The following ACIN1 variants were observed in gnomAD, a reference collection of about 807,000 sequenced individuals.
ACIN1 encodes the protein apoptotic chromatin condensation inducer 1, also known as apoptotic chromatin condensation inducer in the nucleus.
Under a neutral mutation model 146.6 loss-of-function variants are expected in ACIN1, and 16 were observed. The ratio of observed to expected loss-of-function variants is 0.11; its 90% confidence interval spans 0.07 to 0.17. ACIN1 has a LOEUF of 0.17. ACIN1 is among the 10% of genes least tolerant of loss of function. ACIN1 has a pLI of 1.00. For missense variants in ACIN1, 1,357 were observed against 1,609.3 expected, an observed-to-expected ratio of 0.84 and a Z score of 2.68; for synonymous variants, 569 against 582.7, an observed-to-expected ratio of 0.98 and a Z score of 0.34.
At chr14:23,090,135 G>A in intron 3 of ACIN1, 34 bp from the exon 4 acceptor site, 3 of 1,604,314 alleles carry the variant, frequency 1.9e-6, no homozygotes, top group Middle Eastern at 1.7e-4. Context: ...GGCAGGGAGG[G>A]AGTGAAGGAC....
chr14:23,062,896 A>G, intron 14 of ACIN1, 33 bp downstream of exon 14: 2 of 1,579,590 alleles, frequency 1.3e-6, no homozygotes, highest in South Asian at 1.2e-5. Context: ...TTAACCACTA[A>G]GCAAGCTGGG....
Position 23,063,068 on chromosome 14 carries a change from A to G in ACIN1, c.2744T>C (p.Leu915Ser). ...GGAACGTCGAGTTAAGGTATCTCCT[A>G]AAGTCACTATCAAGAAGACCACAAG... Reference protein sequence around the residue: ...PAEHEVKKVTLGDTLTRRSIS... With the variant: ...PAEHEVKKVTSGDTLTRRSIS... Residue 915 changes from leucine to serine, a missense_variant, in exon 14 of 19, where the codon TTA (leucine) becomes TCA (serine). Physicochemically the swap from Leu to Ser is moderately radical, Grantham distance 145. Transcript: ENST00000605057. The G allele has an allele frequency of 1.2e-6, 2 of 1,608,272 alleles. No homozygotes were observed. The highest frequency in any genetic ancestry group is 1.7e-6 in the Non-Finnish European group (2 of 1,178,148).
intron 4 of ACIN1, among the ~76,000 whole-genome samples, chr14:23,089,710 G>A (rs1043291852): frequency 4.6e-5 from 7 of 152,222 alleles, no homozygotes; most frequent in African/African-American, 1.2e-4. Context: ...AGAGCTGACT[G>A]TTGCCAAATT....
chr14:23,084,566 C>G (rs1175027660), intron 4 of ACIN1, among the ~76,000 whole-genome samples: 1 of 150,080 alleles, frequency 6.7e-6, no homozygotes, highest in South Asian at 2.1e-4. Flanking sequence ...GCCGAGATGG[C>G]GCTATTGCAC....
intron 8 of ACIN1, among the ~76,000 whole-genome samples, chr14:23,076,904 A>G (rs2047816378): frequency 6.6e-6 from 1 of 152,194 alleles, no homozygotes; most frequent in African/African-American, 2.4e-5. Flanking sequence ...TTTTCACTTT[A>G]TGGTCCCAGA....
At position 23,094,584 on chromosome 14, in the gene ACIN1, T is replaced by C. The variant is rs866709362; in HGVS notation, c.138+391A>G. On this transcript the variant is annotated intron_variant, in intron 1 of 18. Transcript: ENST00000605057. ...CCCCATCCACCCCTTCGCGCAACTA[T>C]ACCCCTAACTCCGACCCAGCCCAAC... 4.2e-6 allele frequency: 4 copies of C among 957,156 alleles called. No homozygotes were observed. The African/African-American group carries it at 5.3e-5, about 13-fold the overall frequency. 59.3% of individuals were successfully genotyped at this position (957,156 alleles called of 1,614,324 possible).
At chr14:23,061,864 T>C (rs1036255786) in intron 16 of ACIN1, among the ~76,000 whole-genome samples, 73 of 150,552 alleles carry the variant, frequency 4.8e-4, no homozygotes, top group Non-Finnish European at 9.2e-4. Flanking sequence ...GTCCCAGCTA[T>C]TCGGGAGGCT....
chr14:23,084,115 T>C (rs987837407), intron 4 of ACIN1, among the ~76,000 whole-genome samples: 3 of 151,954 alleles, frequency 2.0e-5, no homozygotes, highest in Non-Finnish European at 4.4e-5. Flanking sequence ...CCTGGTTAAC[T>C]TTTGTATTTT....
intron 4 of ACIN1, among the ~76,000 whole-genome samples, chr14:23,083,645 C>T (rs547175224): frequency 8.5e-5 from 13 of 152,086 alleles, no homozygotes; most frequent in African/African-American, 2.4e-4. Flanking sequence ...GGCAGAATGG[C>T]GTGAACCTGG....
At chr14:23,071,813 T>A (rs1256724479) in intron 8 of ACIN1, among the ~76,000 whole-genome samples, 1 of 152,018 alleles carries the variant, frequency 6.6e-6, no homozygotes, top group African/African-American at 2.4e-5. Context: ...GTGGAGGACA[T>A]GTAAAGTTAC....
chr14:23,063,492 G>C lies in ACIN1; in HGVS notation c.2681C>G (p.Pro894Arg). ...KEPEAEPPVP[P>R]QVSVEVALPP... Reference sequence around the variant, plus strand: ...CAAGGCCACCTCTACTGACACCTGGGGAGGTACAGGAGGTTCTGCTTCAGG... The same window carrying C: ...CAAGGCCACCTCTACTGACACCTGGCGAGGTACAGGAGGTTCTGCTTCAGG... Residue 894 changes from proline (P) to arginine (R), a missense_variant, in exon 13 of 19, where the codon CCC (proline) becomes CGC (arginine). By Grantham distance (103) the Pro-to-Arg change is moderately radical (BLOSUM62 -2). This residue lies in a region of ACIN1 where 509 missense variants were observed against 719.6 expected (regional missense o/e 0.71). Transcript: ENST00000605057. 1 of 1,614,114 alleles carries C rather than the reference G, an allele frequency of 6.2e-7. No homozygotes were observed. Among genetic ancestry groups the C allele is most frequent in the Non-Finnish European group, 8.5e-7 (1 of 1,180,000 alleles).
rs931393914 is a variant in ACIN1, at chr14:23,068,730, A to G, written c.2265+746T>C. 15 of 985,386 alleles carry G rather than the reference A, an allele frequency of 1.5e-5. No homozygotes were observed. The East Asian group carries it at 1.1e-3, about 74-fold the overall frequency. The allele number at this position is 985,386 out of a possible 1,614,324, so 61.0% of individuals were successfully genotyped here. Reference sequence around the variant, plus strand: ...GTAATAAATAATATTCTGCACATCAAATCACTTTCACCGGCCCCCACCCCC... The same window carrying G: ...GTAATAAATAATATTCTGCACATCAGATCACTTTCACCGGCCCCCACCCCC... On this transcript the variant is annotated intron_variant, in intron 9 of 18. Coordinates refer to ENST00000605057, the MANE Select transcript of ACIN1 (RefSeq NM_001386863.1). The surrounding 1 kb of genome is among the most constrained non-coding windows in gnomAD (Gnocchi z 4.3).
intron 8 of ACIN1, among the ~76,000 whole-genome samples, chr14:23,074,242 G>A (rs996782958): frequency 6.6e-6 from 1 of 151,230 alleles, no homozygotes; most frequent in Non-Finnish European, 1.5e-5. Context: ...AATTCTGTGG[G>A]ACCCAACAAT....
At chr14:23,072,013 C>T (rs1246144865) in intron 8 of ACIN1, among the ~76,000 whole-genome samples, 1 of 152,124 alleles carries the variant, frequency 6.6e-6, no homozygotes, top group East Asian at 1.9e-4. Context: ...ATCCTCTATC[C>T]AGTAATCTAG....
At position 23,063,594 on chromosome 14, in the gene ACIN1, G is replaced by A. The variant is rs2140011831; in HGVS notation, c.2596-17C>T. ...AGGTACTACCTATCAAGGTGTCAGA[G>A]AACACAGCAGGTCTGTTAAACACCA... On this transcript the variant is annotated splice_polypyrimidine_tract_variant and intron_variant, in intron 12 of 18. Coordinates refer to ENST00000605057, the MANE Select transcript of ACIN1 (RefSeq NM_001386863.1). The A allele has an allele frequency of 6.2e-7, 1 of 1,613,940 alleles. No homozygotes were observed. Among genetic ancestry groups the A allele is most frequent in the Admixed American group, 1.7e-5 (1 of 59,980 alleles).
At chr14:23,076,580 T>C (rs1195526511) in intron 8 of ACIN1, 1 of 152,206 alleles carries the variant, frequency 6.6e-6, no homozygotes, top group Admixed American at 6.5e-5. Context: ...TGCCTTTCTG[T>C]TGCTAGGATC....
Position 23,065,995 on chromosome 14 carries a change from T to G in ACIN1, c.2279A>C (p.Lys760Thr). The change falls in exon 10 of 19, where the codon AAA (lysine) becomes ACA (threonine). Residue 760 changes from lysine (K) to threonine (T), a missense_variant. Transcript: ENST00000605057. ...DEEKKESSLP[K>T]SFKRKISVVS... ...AACGGAGATCTTCCTCTTGAATGATTTGGGCAGCGAGCTCTGTATGAAGAA... is the reference window on the plus strand; with the variant it reads ...AACGGAGATCTTCCTCTTGAATGATGTGGGCAGCGAGCTCTGTATGAAGAA... 6.2e-7 allele frequency: 1 copy of G among 1,613,578 alleles called. No individual in the cohort carries two copies. Among genetic ancestry groups the G allele is most frequent in the Non-Finnish European group, 8.5e-7 (1 of 1,179,812 alleles).
intron 4 of ACIN1, among the ~76,000 whole-genome samples, chr14:23,085,337 A>G (rs974416425): frequency 2.6e-5 from 4 of 152,172 alleles, no homozygotes; most frequent in Non-Finnish European, 5.9e-5. Context: ...TCCATCTCAA[A>G]AAACAACAAC....
Position 23,089,976 on chromosome 14 carries a change from A to T in ACIN1, c.436+6T>A, listed in dbSNP as rs777898501. The T allele has an allele frequency of 5.4e-5, 87 of 1,606,302 alleles. No homozygotes were observed. The highest frequency in any genetic ancestry group is 6.9e-5 in the Non-Finnish European group (81 of 1,175,834). ...AAAACAGCGCAGTGGGGAGGGAGAT[A>T]CGTACTGGGCGAATGTCTGCTGAGC... is the stretch of plus-strand genomic sequence containing the variant. On this transcript the variant is annotated splice_donor_region_variant and intron_variant, in intron 4 of 18. Transcript: ENST00000605057.
Sources: allele counts gnomAD v4.1 joint callset (sites outside exome capture counted in the v4.1 genomes callset), GRCh38; gene constraint gnomAD v4.1.1; regional missense constraint gnomAD v4.1.1; non-coding constraint Gnocchi (gnomAD v3.1); transcripts MANE v1.5; gene names NCBI Gene and HGNC (gene_info 2026-07-23, HGNC 2026-07-21).